Variants in PCSK5 observed in about 807,000 individuals in gnomAD.
PCSK5 encodes the protein proprotein convertase subtilisin/kexin type 5.
A neutral mutation model predicts 233.2 loss-of-function variants in PCSK5; 129 were observed. The ratio of observed to expected loss-of-function variants is 0.55; its 90% CI spans 0.48 to 0.64. PCSK5 has a LOEUF of 0.64. Among genes scored for constraint, PCSK5 ranks in the 30% least tolerant of loss-of-function variants. The pLI, the probability that PCSK5 is intolerant of heterozygous loss-of-function variation, is 0.00. For missense variants in PCSK5, 2,076 were observed against 2,430.1 expected (o/e 0.85, Z 3.06); for synonymous variants, 825 against 879.2 (o/e 0.94, Z 1.09).
chr9:76,065,966 A>T (rs1016171377), intron 5 of PCSK5, among the ~76,000 whole-genome samples: 1 of 152,140 alleles, frequency 6.6e-6, no homozygotes, highest in Non-Finnish European at 1.5e-5. Flanking sequence ...CTGTATATGC[A>T]TAGATTTATT....
At chr9:76,038,565 G>C (rs1236549419) in intron 5 of PCSK5, among the ~76,000 whole-genome samples, 3 of 152,194 alleles carry the variant, frequency 2.0e-5, no homozygotes, top group Admixed American at 6.5e-5. Context: ...AAAAGCACTT[G>C]ATTGTTTTCT....
intron 1 of PCSK5, among the ~76,000 whole-genome samples, chr9:75,894,521 C>T (rs972199517): frequency 6.6e-6 from 1 of 152,220 alleles, no homozygotes; most frequent in African/African-American, 2.4e-5. Flanking sequence ...TATGTTTTCA[C>T]AAAATGTTTA....
chr9:76,269,360 C>T (rs141845336), intron 24 of PCSK5, among the ~76,000 whole-genome samples: 73 of 152,204 alleles, frequency 4.8e-4, no homozygotes, highest in African/African-American at 1.7e-3. Flanking sequence ...GTGAATACAA[C>T]CCAGGAAAGA....
intron 1 of PCSK5, among the ~76,000 whole-genome samples, chr9:75,898,009 A>G (rs1243305441): frequency 1.3e-5 from 2 of 152,244 alleles, no homozygotes; most frequent in African/African-American, 4.8e-5. Flanking sequence ...AAACAGATTC[A>G]CATGCCTTTA....
chr9:76,156,131 T>C (rs1056321956), intron 10 of PCSK5, among the ~76,000 whole-genome samples: 10 of 152,206 alleles, frequency 6.6e-5, no homozygotes, highest in Non-Finnish European at 1.2e-4. Flanking sequence ...ACTGGAAATA[T>C]GACATAGTGT....
intron 3 of PCSK5, among the ~76,000 whole-genome samples, chr9:76,012,376 G>A (rs887274174): frequency 6.6e-6 from 1 of 152,168 alleles, no homozygotes; most frequent in African/African-American, 2.4e-5. Flanking sequence ...TGTCAGTCAA[G>A]CCTTCAAATG....
At chr9:75,951,209 A>G (rs1295052265) in intron 2 of PCSK5, among the ~76,000 whole-genome samples, 1 of 152,248 alleles carries the variant, frequency 6.6e-6, no homozygotes, top group Non-Finnish European at 1.5e-5. Flanking sequence ...ATGAGTCACC[A>G]GTATAGACAA....
chr9:76,354,549 G>A (rs1830248998), intron 37 of PCSK5, among the ~76,000 whole-genome samples: 1 of 152,172 alleles, frequency 6.6e-6, no homozygotes, highest in Admixed American at 6.5e-5. Flanking sequence ...GGAGGGTGAG[G>A]CAGACAGATG....
At chr9:75,965,261 A>ATGTGTGTGTGTG (rs71372035) in intron 2 of PCSK5, among the ~76,000 whole-genome samples, 1 of 149,700 alleles carries the variant, frequency 6.7e-6, no homozygotes, top group Non-Finnish European at 1.5e-5. Flanking sequence ...ATGTGTGTAT[A>ATGTGTGTGTGTG]TGTGTGTGTG....
chr9:76,090,696 A>T (rs180954660), intron 7 of PCSK5, among the ~76,000 whole-genome samples: 2 of 152,158 alleles, frequency 1.3e-5, no homozygotes. Flanking sequence ...GGTGCCAGGG[A>T]ACGGTTTCAT....
At chr9:76,160,769 C>CTT (rs57054216) in intron 12 of PCSK5, among the ~76,000 whole-genome samples, 31 of 148,514 alleles carry the variant, frequency 2.1e-4, no homozygotes, top group East Asian at 3.9e-4. Flanking sequence ...AATCTGATAT[C>CTT]TTTTTTTTTT....
At chr9:76,121,006 C>G (rs995136783) in intron 9 of PCSK5, among the ~76,000 whole-genome samples, 4 of 152,054 alleles carry the variant, frequency 2.6e-5, no homozygotes, top group African/African-American at 9.7e-5. Flanking sequence ...AAGCTGATAT[C>G]ATCACAGTAT....
intron 24 of PCSK5, among the ~76,000 whole-genome samples, chr9:76,271,724 C>T (rs1827518898): frequency 6.6e-6 from 1 of 152,112 alleles, no homozygotes; most frequent in African/African-American, 2.4e-5. Flanking sequence ...TGTATTCTCT[C>T]ACAGTTCTGG....
intron 34 of PCSK5, among the ~76,000 whole-genome samples, chr9:76,335,784 C>T (rs772761051): frequency 1.5e-4 from 23 of 152,154 alleles, no homozygotes; most frequent in Admixed American, 1.2e-3. Context: ...CTTTTGTATG[C>T]TGCTTAAGAG....
intron 20 of PCSK5, among the ~76,000 whole-genome samples, chr9:76,192,475 T>C (rs1364715493): frequency 6.6e-6 from 1 of 152,232 alleles, no homozygotes; most frequent in Non-Finnish European, 1.5e-5. Flanking sequence ...ATGCATCTTA[T>C]AATTTGTGGC....
chr9:76,336,054 C>A (rs993348600), intron 34 of PCSK5, among the ~76,000 whole-genome samples: 7 of 152,164 alleles, frequency 4.6e-5, no homozygotes, highest in Admixed American at 6.6e-5. Context: ...TTTCTTGAGT[C>A]TTATGTGGGC....
At chr9:76,302,102 A>G (rs1384882776) in intron 27 of PCSK5, 35 bp from the exon 28 acceptor site, 1 of 1,112,020 alleles carries the variant, frequency 9.0e-7, no homozygotes, top group African/African-American at 1.7e-5. Flanking sequence ...TTTGCATTAA[A>G]AAAAAACTAA....
At chr9:76,027,160 T>A (rs1828461233) in intron 5 of PCSK5, 123 bp downstream of exon 5, 1 of 602,950 alleles carries the variant, frequency 1.7e-6, no homozygotes, top group East Asian at 3.0e-5. Flanking sequence ...TGCTCCAAGA[T>A]TAACAAGTGT....
At chr9:76,175,262 G>GAATCA (rs1823539173) in intron 14 of PCSK5, 133 bp downstream of exon 14, 1 of 697,896 alleles carries the variant, frequency 1.4e-6, no homozygotes, top group African/African-American at 1.9e-5. Context: ...GAATGGAATG[G>GAATCA]AATGGAATGG....
Sources: gnomAD v4.1 joint callset for allele counts (sites outside exome capture counted in the v4.1 genomes callset) on GRCh38, gnomAD v4.1.1 for gene constraint, MANE v1.5 for transcripts, NCBI Gene and HGNC (gene_info 2026-07-23, HGNC 2026-07-21) for gene names.